Variants in PDE8A observed in about 807,000 individuals in gnomAD.
PDE8A encodes high affinity cAMP-specific and IBMX-insensitive 3',5'-cyclic phosphodiesterase 8A.
PDE8A carries 59 observed loss-of-function variants against 105.0 expected under a neutral mutation model. The observed-to-expected ratio is 0.56, with a 90% CI of 0.46 to 0.70. PDE8A has a LOEUF of 0.70. PDE8A is among the 30% of genes least tolerant of loss of function. The pLI, the probability that PDE8A is intolerant of heterozygous loss-of-function variation, is 0.00. For synonymous variants in PDE8A, 355 were observed against 371.9 expected (o/e 0.95, Z 0.52); for missense variants, 1,014 against 1,045.9 (o/e 0.97, Z 0.42).
At chr15:85,009,380 A>G (rs1180599695) in intron 1 of PDE8A, among the ~76,000 whole-genome samples, 1 of 152,224 alleles carries the variant, frequency 6.6e-6, no homozygotes, top group East Asian at 1.9e-4. Flanking sequence ...CCAACAAAAT[A>G]CTATTCCTAC....
At chr15:85,100,789 T>G (rs2081849904) in intron 11 of PDE8A, among the ~76,000 whole-genome samples, 1 of 152,196 alleles carries the variant, frequency 6.6e-6, no homozygotes, top group South Asian at 2.1e-4. Context: ...GAAGCGCCAC[T>G]CCAGCTTCAG....
At chr15:85,086,993 C>T (rs2141517483) in intron 6 of PDE8A, among the ~76,000 whole-genome samples, 2 of 148,846 alleles carry the variant, frequency 1.3e-5, no homozygotes, top group South Asian at 4.2e-4. Flanking sequence ...CAAACTCTGA[C>T]TAGTGCTAGG....
chr15:85,076,504 T>C (rs2081382589), intron 4 of PDE8A, among the ~76,000 whole-genome samples: 1 of 152,082 alleles, frequency 6.6e-6, no homozygotes, highest in Non-Finnish European at 1.5e-5. Context: ...ATTCCTGCTA[T>C]TAATGTAGTT....
chr15:85,073,148 G>A (rs1021674437), intron 3 of PDE8A, among the ~76,000 whole-genome samples: 7 of 152,102 alleles, frequency 4.6e-5, no homozygotes, highest in Admixed American at 1.3e-4. Flanking sequence ...ACTTCCCTGA[G>A]TACTTAACAC....
intron 1 of PDE8A, among the ~76,000 whole-genome samples, chr15:85,055,718 TG>T (rs1268438282): frequency 6.6e-6 from 1 of 152,224 alleles, no homozygotes; most frequent in Non-Finnish European, 1.5e-5. Flanking sequence ...GCATGTGAGT[TG>T]GGTCTCCTGA....
In PDE8A at chr15:85,065,729, C is replaced by T. The variant is rs150962240; in HGVS notation, c.244-1285C>T. 9.8e-4 allele frequency among the ~76,000 whole-genome samples: 149 copies of T among 152,364 alleles called. 1 individual carries two copies. The highest frequency in any genetic ancestry group is 3.5e-3 in the African/African-American group (145 of 41,584). On this transcript the variant is annotated intron_variant, in intron 2 of 21. Coordinates refer to ENST00000394553, the MANE Select transcript of PDE8A (RefSeq NM_002605.3). ...CAGGCTGCCCATCTCCTCCTTACCA[C>T]TGTTGCCCCATTTTCAGTCTGCTTC...
At chr15:85,100,335 C>G (rs531159427) in intron 11 of PDE8A, 137 bp downstream of exon 11, 4 of 741,712 alleles carry the variant, frequency 5.4e-6, no homozygotes, top group Non-Finnish European at 8.9e-6. Flanking sequence ...CCTTGACTCC[C>G]CAGGCTGGCT....
In PDE8A at chr15:85,117,839, G is replaced by C; in HGVS notation, c.1734G>C (p.Lys578Asn). Residue 578 changes from lysine to asparagine, a missense_variant and splice_region_variant, in exon 17 of 22, where the codon AAG (lysine) becomes AAC (asparagine). Physicochemically the swap from Lys to Asn is moderately conservative, Grantham distance 94. Coordinates refer to ENST00000394553, the MANE Select transcript of PDE8A (RefSeq NM_002605.3). Reference protein sequence around the residue: ...TAYFLSKERIKETLDPIDEVA... With the variant: ...TAYFLSKERINETLDPIDEVA... ...ATTTTCTCTCCAAGGAGAGGATAAA[G>C]GTGAGCTGTTGTTTACCTGCCACAT... 6.2e-7 allele frequency: 1 copy of C among 1,612,096 alleles called. No homozygotes were observed. Among genetic ancestry groups the C allele is most frequent in the Non-Finnish European group, 8.5e-7 (1 of 1,178,354 alleles).
chr15:85,010,612 A>T (rs1159016085), intron 1 of PDE8A, among the ~76,000 whole-genome samples: 3 of 152,146 alleles, frequency 2.0e-5, no homozygotes, highest in Non-Finnish European at 4.4e-5. Context: ...TATGCCAGTC[A>T]TTATGTCTCT....
At chr15:85,076,990 G>A (rs1396246740) in intron 5 of PDE8A, among the ~76,000 whole-genome samples, 1 of 151,914 alleles carries the variant, frequency 6.6e-6, no homozygotes, top group Non-Finnish European at 1.5e-5. Flanking sequence ...AGACCAGCCT[G>A]GGCAACATAA....
At chr15:85,127,144 G>A (rs1382219368) in intron 20 of PDE8A, among the ~76,000 whole-genome samples, 3 of 152,162 alleles carry the variant, frequency 2.0e-5, no homozygotes, top group African/African-American at 4.8e-5. Context: ...GCTGCAGTGA[G>A]CCATGATCAT....
intron 3 of PDE8A, among the ~76,000 whole-genome samples, chr15:85,070,493 T>A (rs1315152881): frequency 2.6e-5 from 4 of 152,092 alleles, no homozygotes; most frequent in Non-Finnish European, 5.9e-5. Context: ...ACGCAGAGTG[T>A]TGTGGGTGCC....
At chr15:85,104,870 A>G (rs1011604636) in intron 11 of PDE8A, among the ~76,000 whole-genome samples, 2 of 152,160 alleles carry the variant, frequency 1.3e-5, no homozygotes, top group South Asian at 4.1e-4. Flanking sequence ...AATAATGGCC[A>G]GGGGAGCACT....
At chr15:84,996,743 T>C (rs111349730) in intron 1 of PDE8A, among the ~76,000 whole-genome samples, 5,689 of 140,358 alleles carry the variant, frequency 0.041, 372 homozygotes, top group African/African-American at 0.15. Flanking sequence ...GGAAAGTCGC[T>C]TGAACCCAGG....
At chr15:85,028,102 A>AT (rs1454396158) in intron 1 of PDE8A, among the ~76,000 whole-genome samples, 1 of 152,218 alleles carries the variant, frequency 6.6e-6, no homozygotes, top group Admixed American at 6.5e-5. Context: ...GATTCCTAAA[A>AT]TTTTTTAAAA....
At chr15:85,110,270 TC>T (rs767827106) in intron 12 of PDE8A, among the ~76,000 whole-genome samples, 5 of 152,214 alleles carry the variant, frequency 3.3e-5, no homozygotes, top group Admixed American at 2.0e-4. Context: ...TGTTTGTTGA[TC>T]CTTTGGATTC....
rs757692081 is a variant in PDE8A, at chr15:85,064,896, C to T, written c.243+470C>T. ...CTGAGATGGGAGAATCACCTGAGCCCGGGAGGTCAAGGCTGCAGTGAGTCA... is the reference window on the plus strand; with the variant it reads ...CTGAGATGGGAGAATCACCTGAGCCTGGGAGGTCAAGGCTGCAGTGAGTCA... On this transcript the variant is annotated intron_variant, in intron 2 of 21. Coordinates refer to ENST00000394553, the MANE Select transcript of PDE8A (RefSeq NM_002605.3). Among the ~76,000 whole-genome samples the T allele has an allele frequency of 2.3e-4, 35 of 151,866 alleles. 1 individual carries two copies. Among genetic ancestry groups the T allele is most frequent in the Non-Finnish European group, 4.6e-4 (31 of 67,972 alleles).
At chr15:85,046,085 T>A (rs1014183786) in intron 1 of PDE8A, among the ~76,000 whole-genome samples, 1 of 116,062 alleles carries the variant, frequency 8.6e-6, no homozygotes, top group Non-Finnish European at 1.9e-5. Context: ...TTTTTTTTTT[T>A]AAGACAGAGT....
chr15:85,009,090 T>A (rs991474734), intron 1 of PDE8A, among the ~76,000 whole-genome samples: 9 of 147,828 alleles, frequency 6.1e-5, no homozygotes, highest in East Asian at 2.0e-4. Context: ...TGTTAGTGTG[T>A]GAGAGAGAGA....
Sources: gnomAD v4.1 joint callset for allele counts (sites outside exome capture counted in the v4.1 genomes callset) on GRCh38, gnomAD v4.1.1 for gene constraint, MANE v1.5 for transcripts, NCBI Gene and HGNC (gene_info 2026-07-23, HGNC 2026-07-21) for gene names.